The following MDM4 variants were observed in gnomAD, a reference collection of about 807,000 sequenced individuals.
MDM4 encodes MDM4 regulator of p53.
Under a neutral mutation model 60.2 loss-of-function variants are expected in MDM4, and 2 were observed. The observed-to-expected ratio is 0.03, with a 90% CI of 0.01 to 0.10. MDM4 has a LOEUF of 0.10. Ranked by LOEUF, MDM4 falls within the 10% of genes least tolerant of loss-of-function variation. MDM4 has a pLI of 1.00. For synonymous variants in MDM4, 202 were observed against 198.1 expected (o/e 1.02, Z -0.17); for missense variants, 447 against 577.5 (o/e 0.77, Z 2.32).
rs749731515 is a variant in MDM4, at chr1:204,546,916, A to G, written c.903+39A>G. ...GCAAGAACTATTTTGCACCAGCCCCATCTTCAGATGATGTAATCCCAGCAG... is the reference window on the plus strand; with the variant it reads ...GCAAGAACTATTTTGCACCAGCCCCGTCTTCAGATGATGTAATCCCAGCAG... On this transcript the variant is annotated intron_variant, in intron 10 of 10. Coordinates refer to ENST00000367182, the MANE Select transcript of MDM4 (RefSeq NM_002393.5). The G allele has an allele frequency of 2.4e-6, 3 of 1,268,264 alleles. No homozygotes were observed. The South Asian group carries it at 3.7e-5, about 15-fold the overall frequency. The allele number at this position is 1,268,264 out of a possible 1,614,324, so 78.6% of individuals were successfully genotyped here.
chr1:204,538,257 G>A lies in MDM4; in HGVS notation c.460G>A (p.Asp154Asn), dbSNP rs1661622456. The change falls in exon 7 of 11, where the codon GAT becomes AAT. Residue 154 changes from aspartate (D) to asparagine (N), a missense_variant. Physicochemically the swap from Asp to Asn is conservative, Grantham distance 23 (BLOSUM62 1). Coordinates refer to ENST00000367182, the MANE Select transcript of MDM4 (RefSeq NM_002393.5). Reference protein sequence around the residue: ...STSRKRTTEDDIPTLPTSEHK... With the variant: ...STSRKRTTEDNIPTLPTSEHK... ...TTCCAGAAAAAGAACTACAGAAGAC[G>A]ATATCCCCACACTGCCTACCTCAGA... is the stretch of plus-strand genomic sequence containing the variant. 8.7e-6 allele frequency: 14 copies of A among 1,611,988 alleles called. No individual in the cohort carries two copies. Among genetic ancestry groups the A allele is most frequent in the African/African-American group, 1.3e-5 (1 of 74,858 alleles).
chr1:204,532,679 C>T (rs1660988769), intron 5 of MDM4: 2 of 1,344,586 alleles, frequency 1.5e-6, no homozygotes, highest in Non-Finnish European at 2.1e-6. Context: ...CCAAAGTCCA[C>T]ACATTGCCTT....
At chr1:204,539,538 TG>T (rs1293379258) in intron 7 of MDM4, among the ~76,000 whole-genome samples, 5 of 150,156 alleles carry the variant, frequency 3.3e-5, no homozygotes, top group East Asian at 1.9e-4. Flanking sequence ...TGTTTTGTTT[TG>T]TTTTTTTTTT....
chr1:204,520,428 C>A, intron 1 of MDM4, among the ~76,000 whole-genome samples: 1 of 147,922 alleles, frequency 6.8e-6, no homozygotes. Flanking sequence ...TTTTAGGAAT[C>A]CATTTTGATG....
In MDM4 at chr1:204,551,644, C is replaced by G. The variant is rs1663217736; in HGVS notation, c.*1962C>G. On this transcript the variant is annotated 3_prime_UTR_variant, in exon 11 of 11. Transcript: ENST00000367182. The stretch of plus-strand genomic sequence containing the variant: ...TAGAGCTATGCATGTATCCTTACCC[C>G]CATGGGAAAATGTTGGTGTGTTCTC... 2 of 231,370 alleles carry G rather than the reference C, an allele frequency of 8.6e-6. No individual in the cohort carries two copies. Among genetic ancestry groups the G allele is most frequent in the African/African-American group, 2.2e-5 (1 of 45,018 alleles). 14.3% of individuals were successfully genotyped at this position (231,370 alleles called of 1,614,324 possible). A position where few individuals can be genotyped will look rare whatever the true frequency, so the allele number is the denominator to read the frequency against.
intron 1 of MDM4, among the ~76,000 whole-genome samples, chr1:204,524,788 A>G (rs1031093515): frequency 6.6e-6 from 1 of 152,248 alleles, no homozygotes; most frequent in Non-Finnish European, 1.5e-5. Context: ...ATAAATAAAT[A>G]AATAAACAAT....
At position 204,550,182 on chromosome 1, in the gene MDM4, G is replaced by A; in HGVS notation, c.*500G>A. ...TTCCGGGGGTATAGGGGAGGTGTGG[G>A]GCGACAGGGTCTGTCTTGTTCTGTC... On this transcript the variant is annotated 3_prime_UTR_variant, in exon 11 of 11. Transcript: ENST00000367182. The A allele has an allele frequency of 4.3e-6, 1 of 234,164 alleles. No homozygotes were observed. Among genetic ancestry groups the A allele is most frequent in the Non-Finnish European group, 8.4e-6 (1 of 119,196 alleles). The allele number at this position is 234,164 out of a possible 1,614,324, so 14.5% of individuals were successfully genotyped here.
chr1:204,521,640 C>G (rs1279856729), intron 1 of MDM4, among the ~76,000 whole-genome samples: 1 of 152,150 alleles, frequency 6.6e-6, no homozygotes, highest in Non-Finnish European at 1.5e-5. Flanking sequence ...GGAATTGTCA[C>G]ATTATCACCT....
intron 1 of MDM4, among the ~76,000 whole-genome samples, chr1:204,516,760 C>T (rs1356456543): frequency 6.6e-6 from 1 of 152,124 alleles, no homozygotes; most frequent in Non-Finnish European, 1.5e-5. Flanking sequence ...AGGTGACAAA[C>T]CTAAAGTCGA....
intron 5 of MDM4, among the ~76,000 whole-genome samples, chr1:204,533,853 G>A (rs1027478591): frequency 6.7e-6 from 1 of 148,696 alleles, no homozygotes; most frequent in African/African-American, 2.5e-5. Context: ...TGCAATCATA[G>A]TTCACTGCAG....
chr1:204,526,236 A>G, intron 2 of MDM4, 124 bp from the exon 3 acceptor site: 2 of 735,296 alleles, frequency 2.7e-6, no homozygotes, highest in Non-Finnish European at 4.6e-6. Flanking sequence ...AGCCAAGGCG[A>G]CAGAGCAAGA....
At chr1:204,524,638 G>A (rs1659931414) in intron 1 of MDM4, among the ~76,000 whole-genome samples, 2 of 152,162 alleles carry the variant, frequency 1.3e-5, no homozygotes, top group African/African-American at 2.4e-5. Context: ...TGAGCTGGGC[G>A]TGGTGGCGTG....
rs1369731454 is a variant in MDM4 at position 204,516,458 on chromosome 1, C to G, written c.-87C>G. 1 of 152,256 alleles carries G rather than the reference C, an allele frequency of 6.6e-6. No homozygotes were observed. The highest frequency in any genetic ancestry group is 1.5e-5 in the Non-Finnish European group (1 of 68,094). The allele number at this position is 152,256 out of a possible 1,614,324, so 9.4% of individuals were successfully genotyped here. ...AGGCCCTAGGATCTGTGACTGCCAC[C>G]CCTCCCCCCACCCGGGCTCGGCGGG... On this transcript the variant is annotated 5_prime_UTR_variant, in exon 1 of 11. Coordinates refer to ENST00000367182, the MANE Select transcript of MDM4 (RefSeq NM_002393.5).
rs1229133778 is a variant in MDM4, at chr1:204,555,158, CT to C, written c.*5491del. The C allele has an allele frequency of 0.052, 8,684 of 166,078 alleles. 1 individual carries two copies. Among genetic ancestry groups the C allele is most frequent in the East Asian group, 0.17 (1,652 of 9,886 alleles). 10.3% of individuals were successfully genotyped at this position (166,078 alleles called of 1,614,324 possible). ...GGACAGTTAGTAGAACTCTCCATTT[CT>C]TTTTTTTTTTTTTTAGACGGAGTCT... On this transcript the variant is annotated 3_prime_UTR_variant, in exon 11 of 11. Coordinates refer to ENST00000367182, the MANE Select transcript of MDM4 (RefSeq NM_002393.5).
rs2102440781 is a variant in MDM4 at position 204,546,828 on chromosome 1, A to G, written c.854A>G (p.Glu285Gly). ...GAAGTGGGAAAAAATGATGACCTGG[A>G]GGACTCTAAGTCCTTAAGTGATGAT... ...VIEVGKNDDL[E>G]DSKSLSDDTD... Residue 285 changes from glutamate to glycine, a missense_variant, in exon 10 of 11, where the codon GAG becomes GGG. Coordinates refer to ENST00000367182, the MANE Select transcript of MDM4 (RefSeq NM_002393.5). 2 of 1,613,194 alleles carry G rather than the reference A, an allele frequency of 1.2e-6. No homozygotes were observed. Among genetic ancestry groups the G allele is most frequent in the South Asian group, 1.1e-5 (1 of 91,002 alleles).
chr1:204,540,763 C>CA lies in MDM4; in HGVS notation c.512-2015dup, dbSNP rs535728954. On this transcript the variant is annotated intron_variant, in intron 7 of 10. Transcript: ENST00000367182. ...GGGGGACAAGAGCAAGACTTTGTCT[C>CA]AAAAAACAAACAAAAAAAACACTTT... Among the ~76,000 whole-genome samples the CA allele has an allele frequency of 1.7e-3, 260 of 152,106 alleles. 2 individuals carry two copies. The highest frequency in any genetic ancestry group is 3.2e-3 in the Non-Finnish European group (216 of 67,974).
chr1:204,534,476 G>A (rs981997210), intron 5 of MDM4, among the ~76,000 whole-genome samples: 1 of 151,890 alleles, frequency 6.6e-6, no homozygotes, highest in Non-Finnish European at 1.5e-5. Flanking sequence ...GCCATATAAA[G>A]AATATTTTGT....
At chr1:204,529,435 C>A in intron 3 of MDM4, 2 of 1,495,396 alleles carry the variant, frequency 1.3e-6, no homozygotes, top group East Asian at 2.3e-5. Flanking sequence ...TAGGGGCCCC[C>A]TGGAGCTGTA....
Position 204,537,483 on chromosome 1 carries a change from C to A in MDM4, c.397C>A (p.Gln133Lys). The change falls in exon 6 of 11, where the codon CAA becomes AAA. Residue 133 changes from glutamine to lysine, a missense_variant. Gln to Lys is a moderately conservative substitution (Grantham distance 53). Around this residue, in one of 8 missense-constraint regions of MDM4, gnomAD observed 12 missense variants for 28.6 expected, o/e 0.42. Transcript: ENST00000367182. ...GGATCACAGTATGGATATTCCAAGT[C>A]AAGACCAACTGAAGGTAAAATCACC... is the stretch of plus-strand genomic sequence containing the variant. ...AQDHSMDIPS[Q>K]DQLKQSAEES... is the part of the protein sequence containing the mutation. The A allele has an allele frequency of 6.2e-7, 1 of 1,613,112 alleles. No homozygotes were observed. Among genetic ancestry groups the A allele is most frequent in the South Asian group, 1.1e-5 (1 of 91,050 alleles).
Sources: allele counts gnomAD v4.1 joint callset (sites outside exome capture counted in the v4.1 genomes callset), GRCh38; gene constraint gnomAD v4.1.1; regional missense constraint gnomAD v4.1.1; transcripts MANE v1.5; gene names NCBI Gene and HGNC (gene_info 2026-07-23, HGNC 2026-07-21).